The following MCC variants were observed in gnomAD, a reference collection of about 807,000 sequenced individuals.
MCC encodes MCC regulator of Wnt signaling pathway.
MCC carries 90 observed loss-of-function variants against 116.2 expected under a neutral mutation model. That is an observed-to-expected ratio of 0.77 (90% CI 0.65 to 0.92). MCC has a LOEUF of 0.92. MCC is among the 40% of genes least tolerant of loss of function. The pLI, the probability that MCC is intolerant of heterozygous loss-of-function variation, is 0.00. For synonymous variants in MCC, 578 were observed against 510.5 expected (o/e 1.13, Z -1.78); for missense variants, 1,516 against 1,312.2 (o/e 1.16, Z -2.40).
intron 8 of MCC, among the ~76,000 whole-genome samples, chr5:113,099,448 A>C (rs1756258045): frequency 6.6e-6 from 1 of 152,184 alleles, no homozygotes; most frequent in Non-Finnish European, 1.5e-5. Context: ...TTTCCGTATC[A>C]CTCGACAGGT....
intron 1 of MCC, among the ~76,000 whole-genome samples, chr5:113,473,368 G>C (rs1165680770): frequency 6.6e-6 from 1 of 151,936 alleles, no homozygotes; most frequent in African/African-American, 2.4e-5. Context: ...TAGAAAAAAT[G>C]TTTAAATTAG....
chr5:113,204,105 C>T (rs193288093), intron 3 of MCC, among the ~76,000 whole-genome samples: 51 of 152,280 alleles, frequency 3.3e-4, no homozygotes, highest in Admixed American at 7.2e-4. Flanking sequence ...ATAAAGCCTA[C>T]AAACACGGTC....
At chr5:113,364,238 G>GA (rs60976854) in intron 2 of MCC, among the ~76,000 whole-genome samples, 4,958 of 49,426 alleles carry the variant, frequency 0.1, 211 homozygotes, top group African/African-American at 0.2. Flanking sequence ...CTCAAAAACA[G>GA]AAAAAAAAAA....
chr5:113,118,985 C>T lies in MCC; in HGVS notation c.1027+3699G>A, dbSNP rs553806038. Among the ~76,000 whole-genome samples the T allele has an allele frequency of 2.3e-3, 354 of 152,298 alleles. 3 individuals carry two copies. The highest frequency in any genetic ancestry group is 8.1e-3 in the African/African-American group (337 of 41,564). ...GCTGTGACCTCTGGCAAGCATTCTTCCATGCTCCTCCCCGAGGTTATCACC... is the reference window on the plus strand; with the variant it reads ...GCTGTGACCTCTGGCAAGCATTCTTTCATGCTCCTCCCCGAGGTTATCACC... On this transcript the variant is annotated intron_variant, in intron 6 of 18. Coordinates refer to ENST00000408903, the MANE Select transcript of MCC (RefSeq NM_001085377.2).
intron 3 of MCC, among the ~76,000 whole-genome samples, chr5:113,226,217 A>T (rs1763729691): frequency 6.6e-6 from 1 of 152,234 alleles, no homozygotes; most frequent in African/African-American, 2.4e-5. Context: ...AGCTAACACA[A>T]GAAACCTTTC....
intron 1 of MCC, among the ~76,000 whole-genome samples, chr5:113,431,828 C>T (rs1770660980): frequency 6.7e-6 from 1 of 149,654 alleles, no homozygotes; most frequent in Admixed American, 6.7e-5. Flanking sequence ...TGATGAAACC[C>T]CGTTTCTACT....
At chr5:113,427,929 G>T (rs912632732) in intron 1 of MCC, among the ~76,000 whole-genome samples, 1 of 152,068 alleles carries the variant, frequency 6.6e-6, no homozygotes, top group Non-Finnish European at 1.5e-5. Flanking sequence ...AAAAAATCCA[G>T]GAAGGTTATA....
chr5:113,082,135 G>A lies in MCC; in HGVS notation c.1784+725C>T, dbSNP rs530465705. ...CTCATCACTGGCATGACACATAAGAGAGTCTTTGCCAACAGGCAAAAGGGC... is the reference window on the plus strand; with the variant it reads ...CTCATCACTGGCATGACACATAAGAAAGTCTTTGCCAACAGGCAAAAGGGC... On this transcript the variant is annotated intron_variant, in intron 11 of 18. Coordinates refer to ENST00000408903, the MANE Select transcript of MCC (RefSeq NM_001085377.2). Among the ~76,000 whole-genome samples, 8 of 152,344 alleles carry A rather than the reference G, an allele frequency of 5.3e-5. No homozygotes were observed. The South Asian group carries it at 1.7e-3, about 32-fold the overall frequency.
chr5:113,213,623 G>A (rs1763208533), intron 3 of MCC, among the ~76,000 whole-genome samples: 1 of 152,206 alleles, frequency 6.6e-6, no homozygotes, highest in Admixed American at 6.5e-5. Context: ...TCACGTCAAA[G>A]CACGCGGGTA....
chr5:113,380,646 G>A (rs538273232), intron 2 of MCC, among the ~76,000 whole-genome samples: 27 of 152,328 alleles, frequency 1.8e-4, no homozygotes, highest in African/African-American at 6.5e-4. Context: ...TATGGGGAAA[G>A]ATAGATAAGT....
chr5:113,067,336 G>C (rs1421903698), intron 13 of MCC, among the ~76,000 whole-genome samples: 1 of 152,182 alleles, frequency 6.6e-6, no homozygotes, highest in Non-Finnish European at 1.5e-5. Flanking sequence ...AGACCTGGCA[G>C]GGGAAACCCA....
intron 3 of MCC, among the ~76,000 whole-genome samples, chr5:113,334,309 G>C: frequency 6.6e-6 from 1 of 150,706 alleles, no homozygotes; most frequent in Admixed American, 6.6e-5. Context: ...CCGAGCTCAA[G>C]TGATCCTCCC....
rs146772239 is a variant in MCC at position 113,437,464 on chromosome 5, G to T, written c.170+50781C>A. The stretch of plus-strand genomic sequence containing the variant: ...CAAGGATAAAGACAATGAGGTATGA[G>T]GTATTCACTCAAAATGATAATTACC... On this transcript the variant is annotated intron_variant, in intron 1 of 18. Transcript: ENST00000408903. 5.3e-5 allele frequency among the ~76,000 whole-genome samples: 8 copies of T among 152,228 alleles called. No individual in the cohort carries two copies. The East Asian group carries it at 1.5e-3, about 29-fold the overall frequency.
intron 3 of MCC, among the ~76,000 whole-genome samples, chr5:113,314,691 G>T (rs139247821): frequency 2.5e-4 from 38 of 152,110 alleles, no homozygotes; most frequent in Non-Finnish European, 4.4e-4. Flanking sequence ...GGGTTCAAGC[G>T]ATTCTCCTGC....
rs1750198725 is a variant in MCC, at chr5:113,022,325, T to A, written c.*4977A>T. 6.6e-6 allele frequency: 1 copy of A among 152,660 alleles called. No individual in the cohort carries two copies. The highest frequency in any genetic ancestry group is 1.5e-5 in the Non-Finnish European group (1 of 68,032). 9.5% of individuals were successfully genotyped at this position (152,660 alleles called of 1,614,324 possible). Reference sequence around the variant, plus strand: ...ATAGTACAGTGTTAAGTAGCAATTTTAAAATGAGACTTTCAGTACAAACAG... The same window carrying A: ...ATAGTACAGTGTTAAGTAGCAATTTAAAAATGAGACTTTCAGTACAAACAG... On this transcript the variant is annotated 3_prime_UTR_variant, in exon 19 of 19. Coordinates refer to ENST00000408903, the MANE Select transcript of MCC (RefSeq NM_001085377.2).
At chr5:113,190,322 T>C (rs922552393) in intron 3 of MCC, among the ~76,000 whole-genome samples, 1 of 152,126 alleles carries the variant, frequency 6.6e-6, no homozygotes, top group African/African-American at 2.4e-5. Flanking sequence ...CCGGAAAGGA[T>C]GATAACAACA....
At position 113,052,516 on chromosome 5, in the gene MCC, C is replaced by A. The variant is rs57190477; in HGVS notation, c.2448+1209G>T. Among the ~76,000 whole-genome samples the A allele has an allele frequency of 9.7e-4, 147 of 152,268 alleles. 1 individual carries two copies. The highest frequency in any genetic ancestry group is 3.1e-3 in the African/African-American group (128 of 41,536). On this transcript the variant is annotated intron_variant, in intron 15 of 18. Coordinates refer to ENST00000408903, the MANE Select transcript of MCC (RefSeq NM_001085377.2). ...TGTATCTGTTACCACTGCCTAGTGTCTTCCCAAACTTCGCCCAGATTCTAG... is the reference window on the plus strand; with the variant it reads ...TGTATCTGTTACCACTGCCTAGTGTATTCCCAAACTTCGCCCAGATTCTAG...
At chr5:113,274,626 G>GA (rs1168134439) in intron 3 of MCC, among the ~76,000 whole-genome samples, 4 of 152,240 alleles carry the variant, frequency 2.6e-5, no homozygotes, top group African/African-American at 7.2e-5. Flanking sequence ...CTCCCAAAGT[G>GA]CCAGGATTAC....
At chr5:113,397,406 G>GA (rs1318926272) in intron 1 of MCC, among the ~76,000 whole-genome samples, 1 of 151,660 alleles carries the variant, frequency 6.6e-6, no homozygotes, top group African/African-American at 2.4e-5. Flanking sequence ...TCTCATATCT[G>GA]AAAAAACGCT....
Sources: gnomAD v4.1 joint callset for allele counts (sites outside exome capture counted in the v4.1 genomes callset) on GRCh38, gnomAD v4.1.1 for gene constraint, MANE v1.5 for transcripts, NCBI Gene and HGNC (gene_info 2026-07-23, HGNC 2026-07-21) for gene names.